Variants in AIM2 observed in about 807,000 individuals in gnomAD.
AIM2 encodes absent in melanoma 2, also known as interferon-inducible protein AIM2.
Under a neutral mutation model 27.7 loss-of-function variants are expected in AIM2, and 30 were observed. That is an observed-to-expected ratio of 1.08 (90% CI 0.81 to 1.47). The LOEUF is 1.47. Among genes scored for constraint, AIM2 ranks in the 40% most tolerant of loss-of-function variants. AIM2 has a pLI of 0.00. For missense variants in AIM2, 358 were observed against 411.3 expected, an observed-to-expected ratio of 0.87 and a Z score of 1.12; for synonymous variants, 141 against 145.3, an observed-to-expected ratio of 0.97 and a Z score of 0.21.
chr1:159,114,642 G>A (rs1328412027), intron 1 of AIM2, among the ~76,000 whole-genome samples: 4 of 152,170 alleles, frequency 2.6e-5, no homozygotes, highest in Non-Finnish European at 2.9e-5. Flanking sequence ...CCCGGGAGGT[G>A]GATATTTCAC....
downstream of AIM2, among the ~76,000 whole-genome samples, chr1:159,059,693 A>G (rs548745200): frequency 1.3e-5 from 2 of 152,280 alleles, no homozygotes; most frequent in African/African-American, 4.8e-5. Context: ...GTGGGCTGCT[A>G]CATCCCCACC....
At chr1:159,136,928 C>T (rs1186389822) in intron 1 of AIM2, among the ~76,000 whole-genome samples, 4 of 152,302 alleles carry the variant, frequency 2.6e-5, no homozygotes, top group East Asian at 1.9e-4. Flanking sequence ...TACAGCACTA[C>T]GGCTTGGGAA....
At chr1:159,136,430 C>T (rs895470149) in intron 1 of AIM2, among the ~76,000 whole-genome samples, 3 of 152,172 alleles carry the variant, frequency 2.0e-5, no homozygotes, top group Non-Finnish European at 4.4e-5. Context: ...GGGACTTAGA[C>T]TTAGTGCATG....
intron 1 of AIM2, among the ~76,000 whole-genome samples, chr1:159,101,533 C>T (rs113582476): frequency 0.013 from 1,903 of 152,222 alleles, 49 homozygotes; most frequent in African/African-American, 0.043. Flanking sequence ...AGGTAACAGG[C>T]AGAGGTTAGA....
chr1:159,065,431 G>A (rs1188870795), intron 4 of AIM2, among the ~76,000 whole-genome samples: 1 of 151,960 alleles, frequency 6.6e-6, no homozygotes. Flanking sequence ...TAAAAAAAAA[G>A]TCTCCTCAGG....
chr1:159,143,581 TACACACACACACACACACACAC>T (rs6143439), upstream of AIM2, among the ~76,000 whole-genome samples: 169 of 144,156 alleles, frequency 1.2e-3, 1 homozygote, highest in Admixed American at 3.6e-3. Flanking sequence ...GCTCAGTGTG[TACACACACACACACACACACAC>T]ACACACACAC....
chr1:159,139,295 C>T (rs193140512), intron 1 of AIM2, among the ~76,000 whole-genome samples: 6 of 152,316 alleles, frequency 3.9e-5, no homozygotes, highest in East Asian at 1.9e-4. Context: ...CTTAGGGTAG[C>T]ACAGGGTGGC....
At chr1:159,075,295 GATTA>G (rs977279229) in intron 1 of AIM2, among the ~76,000 whole-genome samples, 3 of 152,010 alleles carry the variant, frequency 2.0e-5, no homozygotes, top group Middle Eastern at 3.4e-3. Context: ...TATCTGGTTG[GATTA>G]ATTATCTAAA....
chr1:159,070,659 G>C (rs1409150190), intron 2 of AIM2, among the ~76,000 whole-genome samples: 1 of 152,212 alleles, frequency 6.6e-6, no homozygotes, highest in Admixed American at 6.5e-5. Context: ...TTAGAGCTAA[G>C]AGTAGAATGA....
chr1:159,105,598 C>T (rs951673125), intron 1 of AIM2, among the ~76,000 whole-genome samples: 4 of 152,160 alleles, frequency 2.6e-5, no homozygotes, highest in Admixed American at 1.3e-4. Flanking sequence ...AGCTCCTATA[C>T]ACAGGCAGGT....
intron 1 of AIM2, among the ~76,000 whole-genome samples, chr1:159,136,577 C>G (rs1256975560): frequency 6.6e-6 from 1 of 152,146 alleles, no homozygotes; most frequent in Non-Finnish European, 1.5e-5. Flanking sequence ...ACCATTCATT[C>G]TCTCAAAAGA....
At chr1:159,114,767 T>G (rs915025844) in intron 1 of AIM2, among the ~76,000 whole-genome samples, 7 of 152,110 alleles carry the variant, frequency 4.6e-5, no homozygotes, top group Non-Finnish European at 8.8e-5. Flanking sequence ...CTTTGAAAAC[T>G]GGCACAAGAC....
intron 1 of AIM2, among the ~76,000 whole-genome samples, chr1:159,105,607 G>T (rs962882692): frequency 3.3e-5 from 5 of 152,146 alleles, no homozygotes; most frequent in Non-Finnish European, 7.3e-5. Flanking sequence ...ACACAGGCAG[G>T]TCGTCCCGAT....
chr1:159,124,991 TAGC>T (rs1647649357), intron 1 of AIM2, among the ~76,000 whole-genome samples: 1 of 152,196 alleles, frequency 6.6e-6, no homozygotes, highest in Non-Finnish European at 1.5e-5. Context: ...ACTCCCCTGT[TAGC>T]AGGCTGAGGT....
Position 159,127,411 on chromosome 1 carries a change from G to A in AIM2, c.-16+13020C>T, listed in dbSNP as rs190085580. 5.3e-5 allele frequency among the ~76,000 whole-genome samples: 8 copies of A among 152,334 alleles called. No homozygotes were observed. The East Asian group carries it at 1.3e-3, about 26-fold the overall frequency. Reference sequence around the variant, plus strand: ...TCGGCCCTGACTAGTGTTATGGTCTGAATGTCTGTGTCCCCACAAAATTCC... The same window carrying A: ...TCGGCCCTGACTAGTGTTATGGTCTAAATGTCTGTGTCCCCACAAAATTCC... On this transcript the variant is annotated intron_variant, in intron 1 of 2. Transcript: ENST00000368129.
intron 1 of AIM2, among the ~76,000 whole-genome samples, chr1:159,086,059 T>G (rs760793924): frequency 3.3e-5 from 5 of 151,964 alleles, no homozygotes; most frequent in Non-Finnish European, 5.9e-5. Flanking sequence ...GGTGGTGGAG[T>G]GTGAGGGGAA....
intron 1 of AIM2, among the ~76,000 whole-genome samples, chr1:159,104,647 T>C (rs933036663): frequency 6.6e-6 from 1 of 152,194 alleles, no homozygotes; most frequent in Non-Finnish European, 1.5e-5. Context: ...GTGATAATAT[T>C]TTGGATATAC....
At position 159,068,567 on chromosome 1, in the gene AIM2, C is replaced by T. The variant is rs761876094; in HGVS notation, c.396+1G>A. 23 of 1,610,956 alleles carry T rather than the reference C, an allele frequency of 1.4e-5. No individual in the cohort carries two copies. The highest frequency in any genetic ancestry group is 1.5e-5 in the Non-Finnish European group (18 of 1,178,976). The stretch of plus-strand genomic sequence containing the variant: ...AGACCACTCCACTCTCCTTATCCTA[C>T]CTTAACATGAGGAGAGACTTTTGGT... On this transcript the variant is annotated splice_donor_variant, in intron 3 of 5. Transcript: ENST00000368130. LOFTEE classifies it high-confidence loss of function.
chr1:159,095,751 T>C (rs1657166477), intron 1 of AIM2, among the ~76,000 whole-genome samples: 1 of 152,198 alleles, frequency 6.6e-6, no homozygotes, highest in African/African-American at 2.4e-5. Context: ...CATTTTAGTC[T>C]CTTAATTGGC....
Sources: gnomAD v4.1 joint callset for allele counts (sites outside exome capture counted in the v4.1 genomes callset) on GRCh38, gnomAD v4.1.1 for gene constraint, MANE v1.5 for transcripts, NCBI Gene and HGNC (gene_info 2026-07-23, HGNC 2026-07-21) for gene names.